Variants in LMOD1 observed in about 807,000 individuals in gnomAD.
LMOD1 encodes the protein leiomodin 1, also known as leiomodin-1.
In LMOD1, 8 loss-of-function variants were observed where a neutral mutation model predicts 36.5. That is an observed-to-expected ratio of 0.22 (90% CI 0.13 to 0.40). LMOD1 has a LOEUF of 0.40. Ranked by LOEUF, LMOD1 falls within the 10% of genes least tolerant of loss-of-function variation. LMOD1 has a pLI of 1.00. For missense variants in LMOD1, 630 were observed against 751.1 expected (o/e 0.84, Z 1.88); for synonymous variants, 284 against 288.7 (o/e 0.98, Z 0.17).
chr1:201,936,795 C>G (rs1161349378), intron 1 of LMOD1, among the ~76,000 whole-genome samples: 1 of 152,040 alleles, frequency 6.6e-6, no homozygotes, highest in Non-Finnish European at 1.5e-5. Context: ...AAAAAATTAG[C>G]TGGGTGTGGT....
intron 1 of LMOD1, among the ~76,000 whole-genome samples, chr1:201,914,713 A>G (rs566489818): frequency 6.6e-6 from 1 of 151,658 alleles, no homozygotes; most frequent in Non-Finnish European, 1.5e-5. Context: ...CTCCAGGCTC[A>G]TCTTTCACCT....
At chr1:201,930,506 C>T (rs1309410077) in intron 1 of LMOD1, among the ~76,000 whole-genome samples, 8 of 152,074 alleles carry the variant, frequency 5.3e-5, no homozygotes, top group African/African-American at 1.9e-4. Context: ...TTAAATGGTA[C>T]TTCTATTCAT....
At chr1:201,924,469 GAAGGAAGGAAGC>G (rs1250219269) in intron 1 of LMOD1, among the ~76,000 whole-genome samples, 1 of 78,544 alleles carries the variant, frequency 1.3e-5, no homozygotes, top group Non-Finnish European at 2.6e-5. Flanking sequence ...GGGAAGGAAG[GAAGGAAGGAAGC>G]AAGGAAGGAG....
intron 1 of LMOD1, among the ~76,000 whole-genome samples, chr1:201,932,714 C>T (rs954319931): frequency 2.0e-5 from 3 of 152,044 alleles, no homozygotes; most frequent in Admixed American, 1.3e-4. Flanking sequence ...TGCACCCTGG[C>T]CTGGGCGACA....
At chr1:201,912,339 G>A (rs989120467) in intron 1 of LMOD1, among the ~76,000 whole-genome samples, 4 of 152,048 alleles carry the variant, frequency 2.6e-5, no homozygotes, top group Non-Finnish European at 5.9e-5. Context: ...ATCAAGCATG[G>A]TGTGCTTTGG....
chr1:201,937,058 T>C (rs1021451704), intron 1 of LMOD1, among the ~76,000 whole-genome samples: 25 of 152,252 alleles, frequency 1.6e-4, no homozygotes, highest in Non-Finnish European at 2.2e-4. Flanking sequence ...CATTACTCTT[T>C]TTTAGAAGAT....
intron 1 of LMOD1, among the ~76,000 whole-genome samples, chr1:201,904,026 A>G (rs530475276): frequency 4.9e-4 from 75 of 152,196 alleles, no homozygotes; most frequent in Non-Finnish European, 2.6e-4. Context: ...TCAGGGGCCA[A>G]AGCAGCTCCT....
intron 1 of LMOD1, among the ~76,000 whole-genome samples, chr1:201,939,161 G>C (rs1682072640): frequency 6.7e-6 from 1 of 149,628 alleles, no homozygotes; most frequent in African/African-American, 2.5e-5. Context: ...TTAATTTCGT[G>C]AGAGATAAAA....
chr1:201,921,955 A>G (rs1305392147), intron 1 of LMOD1, among the ~76,000 whole-genome samples: 3 of 33,814 alleles, frequency 8.9e-5, no homozygotes, highest in East Asian at 8.9e-4. Flanking sequence ...GTGAGATTCC[A>G]TCTCAAAAAA....
intron 1 of LMOD1, among the ~76,000 whole-genome samples, chr1:201,917,993 G>C (rs116138872): frequency 6.6e-6 from 1 of 152,194 alleles, no homozygotes. Flanking sequence ...AGGGCCCTAC[G>C]CTTGGTTTAA....
intron 1 of LMOD1, among the ~76,000 whole-genome samples, chr1:201,916,387 G>A (rs1333172090): frequency 1.9e-4 from 29 of 152,010 alleles, no homozygotes; most frequent in Admixed American, 1.7e-3. Context: ...GGTGGCATGT[G>A]CTTGTAGCCC....
chr1:201,901,537 TATATATATATATATAC>T, intron 1 of LMOD1, among the ~76,000 whole-genome samples: 1 of 26,016 alleles, frequency 3.8e-5, no homozygotes, highest in African/African-American at 2.8e-4. Flanking sequence ...TATGTATATA[TATATATATATATATAC>T]ATATATATAT....
At chr1:201,912,804 A>G (rs1309030652) in intron 1 of LMOD1, among the ~76,000 whole-genome samples, 1 of 152,170 alleles carries the variant, frequency 6.6e-6, no homozygotes, top group Non-Finnish European at 1.5e-5. Context: ...GGTTGCAGTG[A>G]GCCGAGATGG....
rs1368743112 is a variant in LMOD1 at position 201,899,650 on chromosome 1, C to G, written c.1363G>C (p.Glu455Gln). 6.2e-7 allele frequency: 1 copy of G among 1,613,570 alleles called. No homozygotes were observed. The highest frequency in any genetic ancestry group is 8.5e-7 in the Non-Finnish European group (1 of 1,179,776). ...TTLLKLGYHF[E>Q]LAGPRMTVTN... ...ACAGTCATTCGGGGCCCGGCCAGCT[C>G]AAAATGGTAGCCCAGCTTGAGCAGG... The change falls in exon 2 of 3, where the codon GAG becomes CAG. Residue 455 changes from glutamate (E) to glutamine (Q), a missense_variant. Coordinates refer to ENST00000367288, the MANE Select transcript of LMOD1 (RefSeq NM_012134.3). The surrounding 1 kb of genome is among the most constrained non-coding windows in gnomAD (Gnocchi z 6.3).
chr1:201,919,115 C>T (rs1248943473), intron 1 of LMOD1, among the ~76,000 whole-genome samples: 2 of 152,152 alleles, frequency 1.3e-5, no homozygotes, highest in African/African-American at 2.4e-5. Context: ...GTCTCAAACT[C>T]CTGGCCTCAA....
At chr1:201,917,393 G>T (rs1681629574) in intron 1 of LMOD1, among the ~76,000 whole-genome samples, 1 of 152,192 alleles carries the variant, frequency 6.6e-6, no homozygotes, top group Admixed American at 6.5e-5. Context: ...TTGAGGTGAG[G>T]GCATGCAACA....
chr1:201,936,248 C>A (rs928144741), intron 1 of LMOD1, among the ~76,000 whole-genome samples: 2 of 151,990 alleles, frequency 1.3e-5, no homozygotes, highest in Non-Finnish European at 2.9e-5. Context: ...GACAGAAACA[C>A]CCTTCTAACT....
chr1:201,897,195 T>C lies in LMOD1; in HGVS notation c.*1177A>G. 1.0e-5 allele frequency: 2 copies of C among 192,568 alleles called. No individual in the cohort carries two copies. The highest frequency in any genetic ancestry group is 5.3e-5 in the Admixed American group (1 of 18,820). 11.9% of individuals were successfully genotyped at this position (192,568 alleles called of 1,614,324 possible). Reference sequence around the variant, plus strand: ...GGGCACACAGATATGGGTGCTATTCTCCAAATAGTCACTCCACTTCTCTGC... The same window carrying C: ...GGGCACACAGATATGGGTGCTATTCCCCAAATAGTCACTCCACTTCTCTGC... On this transcript the variant is annotated 3_prime_UTR_variant, in exon 3 of 3. Coordinates refer to ENST00000367288, the MANE Select transcript of LMOD1 (RefSeq NM_012134.3).
In LMOD1 at chr1:201,936,783, C is replaced by CA. The variant is rs201087815; in HGVS notation, c.261+9296dup. The stretch of plus-strand genomic sequence containing the variant: ...GAAACCCCCTCCCTGCTGAAAAATA[C>CA]AAAAAAATTAGCTGGGTGTGGTGGC... On this transcript the variant is annotated intron_variant, in intron 1 of 2. Coordinates refer to ENST00000367288, the MANE Select transcript of LMOD1 (RefSeq NM_012134.3). Among the ~76,000 whole-genome samples, 9 of 151,906 alleles carry CA rather than the reference C, an allele frequency of 5.9e-5. No homozygotes were observed. The East Asian group carries it at 9.7e-4, about 16-fold the overall frequency.
Sources: allele counts gnomAD v4.1 joint callset (sites outside exome capture counted in the v4.1 genomes callset), GRCh38; gene constraint gnomAD v4.1.1; non-coding constraint Gnocchi (gnomAD v3.1); transcripts MANE v1.5; gene names NCBI Gene and HGNC (gene_info 2026-07-23, HGNC 2026-07-21).